The following MAF variants were observed in gnomAD, a reference collection of about 807,000 sequenced individuals.
MAF encodes the protein MAF bZIP transcription factor.
Under a neutral mutation model 22.0 loss-of-function variants are expected in MAF, and 10 were observed. That is an observed-to-expected ratio of 0.45 (90% CI 0.28 to 0.77). MAF has a LOEUF of 0.77. Among genes scored for constraint, MAF ranks in the 30% least tolerant of loss-of-function variants. The pLI is 0.12. For synonymous variants in MAF, 337 were observed against 255.8 expected (o/e 1.32, Z -3.03); for missense variants, 544 against 548.4 (o/e 0.99, Z 0.08).
At chr16:79,295,188 C>A in the MAF span, among the ~76,000 whole-genome samples, 1 of 152,172 alleles carries the variant, frequency 6.6e-6, no homozygotes, top group African/African-American at 2.4e-5. Flanking sequence ...TCAGCCCACA[C>A]TCCTTGCTGC....
chr16:79,251,290 G>GTTATTATTTC, the MAF span, among the ~76,000 whole-genome samples: 1 of 149,182 alleles, frequency 6.7e-6, no homozygotes, highest in Non-Finnish European at 1.5e-5. Flanking sequence ...TGCTGTTATG[G>GTTATTATTTC]TTATTATTTC....
At chr16:79,333,664 A>G in the MAF span, among the ~76,000 whole-genome samples, 1 of 152,242 alleles carries the variant, frequency 6.6e-6, no homozygotes, top group South Asian at 2.1e-4. Context: ...AGAAGAGACA[A>G]TCTAACGCTG....
chr16:79,407,347 A>C, the MAF span, among the ~76,000 whole-genome samples: 1 of 152,212 alleles, frequency 6.6e-6, no homozygotes, highest in African/African-American at 2.4e-5. Flanking sequence ...GAAACTACCA[A>C]AATGTGACCA....
chr16:79,291,451 C>G, the MAF span, among the ~76,000 whole-genome samples: 1 of 152,150 alleles, frequency 6.6e-6, no homozygotes, highest in Non-Finnish European at 1.5e-5. Flanking sequence ...GCATGATACT[C>G]TCCAGCGGGT....
chr16:79,511,181 C>G, the MAF span, among the ~76,000 whole-genome samples: 5 of 152,132 alleles, frequency 3.3e-5, no homozygotes, highest in Admixed American at 1.3e-4. Context: ...TACCTTTTCT[C>G]TCCAAACCTT....
chr16:79,426,136 G>A, the MAF span, among the ~76,000 whole-genome samples: 1 of 152,124 alleles, frequency 6.6e-6, no homozygotes, highest in Non-Finnish European at 1.5e-5. Context: ...AATCTGGAAG[G>A]TGGAGGTTAT....
At chr16:79,383,746 C>G in the MAF span, among the ~76,000 whole-genome samples, 11 of 152,078 alleles carry the variant, frequency 7.2e-5, no homozygotes, top group Non-Finnish European at 1.3e-4. Flanking sequence ...TTTTTTGATG[C>G]TCTCAAAAGA....
the MAF span, among the ~76,000 whole-genome samples, chr16:79,426,041 C>T: frequency 1.3e-5 from 2 of 152,078 alleles, no homozygotes; most frequent in African/African-American, 4.8e-5. Context: ...CCTGTCTCTA[C>T]TAAAAATACA....
chr16:79,468,658 A>G, the MAF span, among the ~76,000 whole-genome samples: 1 of 152,210 alleles, frequency 6.6e-6, no homozygotes, highest in African/African-American at 2.4e-5. Flanking sequence ...AGGGGCAGTC[A>G]GAGTCTGCCA....
chr16:79,224,138 A>T, the MAF span, among the ~76,000 whole-genome samples: 1 of 152,240 alleles, frequency 6.6e-6, no homozygotes, highest in African/African-American at 2.4e-5. Context: ...CGAATCCAGC[A>T]GCACATCAAA....
At chr16:79,382,393 G>A in the MAF span, among the ~76,000 whole-genome samples, 1 of 152,206 alleles carries the variant, frequency 6.6e-6, no homozygotes, top group Non-Finnish European at 1.5e-5. Context: ...TGGAAGGATG[G>A]AAAAGTTTCC....
chr16:79,461,696 G>A, the MAF span, among the ~76,000 whole-genome samples: 2 of 152,156 alleles, frequency 1.3e-5, no homozygotes, highest in Non-Finnish European at 2.9e-5. Context: ...GGGAGAGGGC[G>A]CTCATGTCCA....
the MAF span, among the ~76,000 whole-genome samples, chr16:79,248,955 T>C: frequency 6.6e-6 from 1 of 152,138 alleles, no homozygotes; most frequent in Non-Finnish European, 1.5e-5. Flanking sequence ...AAAATATATT[T>C]TAAAAATCTA....
At chr16:79,390,209 C>G in the MAF span, among the ~76,000 whole-genome samples, 1 of 151,968 alleles carries the variant, frequency 6.6e-6, no homozygotes, top group South Asian at 2.1e-4. Context: ...TCCTTGAAAG[C>G]CGGGTTTATT....
chr16:79,549,159 A>G, the MAF span, among the ~76,000 whole-genome samples: 1 of 152,200 alleles, frequency 6.6e-6, no homozygotes, highest in African/African-American at 2.4e-5. Context: ...TCTGTTTCAA[A>G]GGATGATGGT....
the MAF span, among the ~76,000 whole-genome samples, chr16:79,518,628 C>A: frequency 1.3e-5 from 2 of 152,220 alleles, no homozygotes; most frequent in African/African-American, 4.8e-5. Context: ...ATGCTGATAA[C>A]ACTTTACATA....
At chr16:79,475,138 C>T in the MAF span, among the ~76,000 whole-genome samples, 1 of 152,150 alleles carries the variant, frequency 6.6e-6, no homozygotes, top group African/African-American at 2.4e-5. Context: ...TTCTCTTTGC[C>T]TTTGTGGCAT....
At chr16:79,431,998 G>T in the MAF span, among the ~76,000 whole-genome samples, 1 of 151,806 alleles carries the variant, frequency 6.6e-6, no homozygotes, top group Non-Finnish European at 1.5e-5. Flanking sequence ...TAAAACCACG[G>T]ATATTTCCAA....
the MAF span, chr16:79,212,302 T>G: frequency 6.3e-6 from 6 of 955,906 alleles, no homozygotes; most frequent in Non-Finnish European, 9.0e-6. Context: ...TAGCAACTGC[T>G]GGGGAGACAA....
Sources: gnomAD v4.1 joint callset for allele counts (sites outside exome capture counted in the v4.1 genomes callset) on GRCh38, gnomAD v4.1.1 for gene constraint, MANE v1.5 for transcripts, NCBI Gene and HGNC (gene_info 2026-07-23, HGNC 2026-07-21) for gene names.